The following FBRSL1 variants were observed in gnomAD, a reference collection of about 807,000 sequenced individuals.
FBRSL1 encodes the protein fibrosin like 1, also known as fibrosin-1-like protein.
Under a neutral mutation model 89.6 loss-of-function variants are expected in FBRSL1, and 51 were observed. The ratio of observed to expected loss-of-function variants is 0.57; its 90% confidence interval spans 0.45 to 0.72. FBRSL1 has a LOEUF of 0.72. FBRSL1 is among the 30% of genes least tolerant of loss of function. The pLI is 0.00. For synonymous variants in FBRSL1, 779 were observed against 681.1 expected, an observed-to-expected ratio of 1.14 and a Z score of -2.24; for missense variants, 1,618 against 1,451.8, an observed-to-expected ratio of 1.11 and a Z score of -1.86.
At chr12:132,541,119 C>G (rs2037226841) in intron 4 of FBRSL1, among the ~76,000 whole-genome samples, 1 of 151,488 alleles carries the variant, frequency 6.6e-6, no homozygotes, top group African/African-American at 2.4e-5. Flanking sequence ...CACCACATCC[C>G]TACCCCGAGG....
chr12:132,498,060 T>C (rs1301384161), intron 1 of FBRSL1, among the ~76,000 whole-genome samples: 1 of 152,120 alleles, frequency 6.6e-6, no homozygotes, highest in Non-Finnish European at 1.5e-5. Flanking sequence ...ACAGCCTGGC[T>C]GGCTGCACCC....
chr12:132,573,492 G>A (rs902154197), intron 11 of FBRSL1, among the ~76,000 whole-genome samples: 4 of 152,130 alleles, frequency 2.6e-5, no homozygotes, highest in East Asian at 3.9e-4. Context: ...TGCAGGTGTC[G>A]AGCAGGGACC....
In FBRSL1 at chr12:132,570,092, G is replaced by A. The variant is rs1265251880; in HGVS notation, c.858G>A (p.Leu286=). 1.3e-6 allele frequency: 2 copies of A among 1,485,428 alleles called. No homozygotes were observed. The highest frequency in any genetic ancestry group is 1.5e-5 in the African/African-American group (1 of 68,036). The allele number at this position is 1,485,428 out of a possible 1,614,324, so 92.0% of individuals were successfully genotyped here. A position where few individuals can be genotyped will look rare whatever the true frequency, so the allele number is the denominator to read the frequency against. Residue 286 remains leucine (L), a synonymous_variant, in exon 7 of 19, where the codon TTG becomes TTA. Transcript: ENST00000680143. ...CGCCCGGCTCCCGCGCCAATCCCTT[G>A]GTGAAGAAGGAACCCCCCGCCCCGC... ...GPPPGSRANP[L]VKKEPPAPHR...
chr12:132,536,341 C>T (rs1205700609), intron 4 of FBRSL1, among the ~76,000 whole-genome samples: 8 of 145,430 alleles, frequency 5.5e-5, no homozygotes, highest in East Asian at 2.1e-4. Context: ...GTGTGTGCCA[C>T]GTGTACATGA....
rs1420852380 is a variant in FBRSL1, at chr12:132,518,680, G to GCA, written c.490-7054_490-7053insCA. On this transcript the variant is annotated intron_variant, in intron 2 of 18. Transcript: ENST00000680143. ...CGTGCATCCATCCATCCACCCATCT[G>GCA]TCCTTCCATCCACCCATCTGTCCAT... Among the ~76,000 whole-genome samples, 137 of 139,956 alleles carry GCA rather than the reference G, an allele frequency of 9.8e-4. 1 individual carries two copies. The highest frequency in any genetic ancestry group is 5.4e-3 in the Middle Eastern group (1 of 186). 91.8% of individuals were successfully genotyped at this position (139,956 alleles called of 152,430 possible).
At position 132,533,881 on chromosome 12, in the gene FBRSL1, C is replaced by T. The variant is rs142427468; in HGVS notation, c.615+5893C>T. Among the ~76,000 whole-genome samples the T allele has an allele frequency of 4.6e-3, 700 of 152,212 alleles. 5 individuals carry two copies. Among genetic ancestry groups the T allele is most frequent in the African/African-American group, 0.016 (669 of 41,542 alleles). On this transcript the variant is annotated intron_variant, in intron 4 of 18. Coordinates refer to ENST00000680143, the MANE Select transcript of FBRSL1 (RefSeq NM_001367871.1). ...GCTGCCAGGTCGGAAGGAAGGTGGCCGGGGTCAGGGCAGCATCTCAGAAGG... is the reference window on the plus strand; with the variant it reads ...GCTGCCAGGTCGGAAGGAAGGTGGCTGGGGTCAGGGCAGCATCTCAGAAGG...
At chr12:132,512,509 C>T (rs551637883) in intron 2 of FBRSL1, among the ~76,000 whole-genome samples, 92 of 152,372 alleles carry the variant, frequency 6.0e-4, no homozygotes, top group African/African-American at 2.1e-3. Flanking sequence ...GTCACCCACA[C>T]AAGCCATTGC....
intron 1 of FBRSL1, among the ~76,000 whole-genome samples, chr12:132,493,600 C>G (rs921803393): frequency 3.9e-5 from 6 of 152,320 alleles, no homozygotes; most frequent in African/African-American, 1.4e-4. Flanking sequence ...TTGCCCTGTG[C>G]CCGGGGCAGG....
At chr12:132,508,491 C>T (rs934316263) in intron 2 of FBRSL1, 141 bp downstream of exon 2, 2 of 1,062,206 alleles carry the variant, frequency 1.9e-6, no homozygotes, top group Non-Finnish European at 1.3e-6. Flanking sequence ...GCTTGGGGTG[C>T]AGGACACGTG....
chr12:132,509,614 C>T (rs1411702927), intron 2 of FBRSL1: 3 of 1,231,352 alleles, frequency 2.4e-6, no homozygotes, highest in Non-Finnish European at 2.0e-6. Flanking sequence ...GCCCCACGGT[C>T]CCTCCTGGTC....
In FBRSL1 at chr12:132,490,643, C is replaced by T. The variant is rs2030683486; in HGVS notation, c.73C>T (p.Arg25Cys). ...RDRGRRREAA[R>C]DARAQSPSSG... is the part of the protein sequence containing the mutation. The stretch of plus-strand genomic sequence containing the variant: ...CCGTGGCCGGCGCCGGGAGGCCGCC[C>T]GCGACGCCCGCGCCCAGAGTCCGTC... The change falls in exon 1 of 19, where the codon CGC (arginine) becomes TGC (cysteine). Residue 25 changes from arginine (R) to cysteine (C), a missense_variant. By Grantham distance (180) the Arg-to-Cys change is radical. Transcript: ENST00000680143. 3.0e-6 allele frequency: 3 copies of T among 984,280 alleles called. No homozygotes were observed. The highest frequency in any genetic ancestry group is 1.8e-5 in the African/African-American group (1 of 56,644). 61.0% of individuals were successfully genotyped at this position (984,280 alleles called of 1,614,324 possible).
rs372557660 is a variant in FBRSL1, at chr12:132,498,954, G to T, written c.291+8093G>T. 1.6e-4 allele frequency among the ~76,000 whole-genome samples: 24 copies of T among 152,362 alleles called. No homozygotes were observed. The East Asian group carries it at 4.4e-3, about 28-fold the overall frequency. ...CCCGTGGCCACCTGCCCATGCTCCC[G>T]TCTGCTCAGCGGGCTTCCTCTGCTC... On this transcript the variant is annotated intron_variant, in intron 1 of 18. Transcript: ENST00000680143.
At chr12:132,536,799 ATTG>A (rs556818925) in intron 4 of FBRSL1, among the ~76,000 whole-genome samples, 61 of 152,286 alleles carry the variant, frequency 4.0e-4, no homozygotes, top group East Asian at 1.7e-3. Flanking sequence ...GTGAAAGTGT[ATTG>A]TTATGTGTAC....
At chr12:132,572,684 A>G in intron 11 of FBRSL1, 62 bp downstream of exon 11, 1 of 1,188,324 alleles carries the variant, frequency 8.4e-7, no homozygotes, top group Non-Finnish European at 1.2e-6. Flanking sequence ...GGGGGAGTGC[A>G]TGACAACCTC....
At chr12:132,510,134 G>C in intron 2 of FBRSL1, 1 of 1,224,460 alleles carries the variant, frequency 8.2e-7, no homozygotes, top group Non-Finnish European at 1.0e-6. Flanking sequence ...CCAAGCGGCC[G>C]CTCATGGGCC....
At position 132,571,152 on chromosome 12, in the gene FBRSL1, C is replaced by T; in HGVS notation, c.1298C>T (p.Ala433Val). ...ATTCTGATTGGTACTTGGTCACAGG[C>T]TCCTCTCTTACCTGCACCCCTGGGC... ...SGILIGTWSQ[A>V]PLLPAPLGPH... The change falls in exon 9 of 19, where the codon GCT (alanine) becomes GTT (valine). Residue 433 changes from alanine (A) to valine (V), a missense_variant. Ala to Val is a moderately conservative substitution (Grantham distance 64). Coordinates refer to ENST00000680143, the MANE Select transcript of FBRSL1 (RefSeq NM_001367871.1). 1.4e-6 allele frequency: 2 copies of T among 1,401,038 alleles called. No individual in the cohort carries two copies. Among genetic ancestry groups the T allele is most frequent in the East Asian group, 2.6e-5 (1 of 38,444 alleles). 86.8% of individuals were successfully genotyped at this position (1,401,038 alleles called of 1,614,324 possible).
intron 5 of FBRSL1, chr12:132,551,953 C>T (rs1043179991): frequency 2.1e-5 from 6 of 283,264 alleles, no homozygotes; most frequent in South Asian, 3.5e-5. Context: ...CTGTCTGGCC[C>T]GTCTGTGGAA....
Position 132,583,033 on chromosome 12 carries a change from C to G in FBRSL1, c.2264C>G (p.Pro755Arg). The G allele has an allele frequency of 6.9e-7, 1 of 1,455,508 alleles. No individual in the cohort carries two copies. The allele number at this position is 1,455,508 out of a possible 1,614,324, so 90.2% of individuals were successfully genotyped here. A position where few individuals can be genotyped will look rare whatever the true frequency, so the allele number is the denominator to read the frequency against. ...TCGCCCGCCACCCCCGCTGGCCACC[C>G]CGTCAGCGGCCTCCTGCTCCGGGCC... ...RASPATPAGH[P>R]VSGLLLRAQS... The change falls in exon 19 of 19, where the codon CCC becomes CGC. Residue 755 changes from proline (P) to arginine (R), a missense_variant. Coordinates refer to ENST00000680143, the MANE Select transcript of FBRSL1 (RefSeq NM_001367871.1).
In FBRSL1 at chr12:132,571,059, T is replaced by A; in HGVS notation, c.1214-9T>A. ...GGGAGGGGCTCACCGTGTTCTCTCT[T>A]GCCTCTAGATGCCAGCCTGGCGGTC... On this transcript the variant is annotated splice_polypyrimidine_tract_variant and intron_variant, in intron 8 of 18. Coordinates refer to ENST00000680143, the MANE Select transcript of FBRSL1 (RefSeq NM_001367871.1). 7.5e-7 allele frequency: 1 copy of A among 1,335,808 alleles called. No individual in the cohort carries two copies. The highest frequency in any genetic ancestry group is 9.6e-7 in the Non-Finnish European group (1 of 1,046,026). The allele number at this position is 1,335,808 out of a possible 1,614,324, so 82.7% of individuals were successfully genotyped here.
Sources: allele counts gnomAD v4.1 joint callset (sites outside exome capture counted in the v4.1 genomes callset), GRCh38; gene constraint gnomAD v4.1.1; transcripts MANE v1.5; gene names NCBI Gene and HGNC (gene_info 2026-07-23, HGNC 2026-07-21).